Variants in COLEC10 observed in about 807,000 individuals in gnomAD.
COLEC10 encodes collectin-10.
COLEC10 carries 22 observed loss-of-function variants against 28.4 expected under a neutral mutation model. The ratio of observed to expected loss-of-function variants is 0.78; its 90% CI spans 0.55 to 1.11. The LOEUF (loss-of-function observed/expected upper bound fraction) is 1.11, where lower values mean the gene tolerates loss of function less well. COLEC10 is among the 50% of genes least tolerant of loss of function. The pLI is 0.00. For missense variants in COLEC10, 361 were observed against 344.1 expected, an observed-to-expected ratio of 1.05 and a Z score of -0.39; for synonymous variants, 125 against 116.1, an observed-to-expected ratio of 1.08 and a Z score of -0.49.
chr8:119,005,019 T>G (rs773403534), intron 1 of COLEC10, among the ~76,000 whole-genome samples: 1 of 152,126 alleles, frequency 6.6e-6, no homozygotes, highest in African/African-American at 2.4e-5. Flanking sequence ...GTTATTTCCA[T>G]GCTCAAAATC....
the COLEC10 span, among the ~76,000 whole-genome samples, chr8:118,970,736 A>G: frequency 6.6e-6 from 1 of 151,788 alleles, no homozygotes; most frequent in African/African-American, 2.4e-5. Context: ...CCTTTCATAC[A>G]CTTCATACTT....
intron 1 of COLEC10, among the ~76,000 whole-genome samples, chr8:119,069,629 A>AAAAAAATAT (rs1554627284): frequency 2.8e-4 from 12 of 42,876 alleles, no homozygotes; most frequent in Admixed American, 4.9e-4. Flanking sequence ...AAAAAAAAAA[A>AAAAAAATAT]ATATATATAT....
intron 1 of COLEC10, among the ~76,000 whole-genome samples, chr8:119,008,445 A>G (rs1813845425): frequency 6.7e-6 from 1 of 149,954 alleles, no homozygotes; most frequent in Non-Finnish European, 1.5e-5. Flanking sequence ...CTAAGTTGAC[A>G]GAATCATCAT....
At chr8:118,988,462 A>G in the COLEC10 span, among the ~76,000 whole-genome samples, 1 of 152,088 alleles carries the variant, frequency 6.6e-6, no homozygotes, top group African/African-American at 2.4e-5. Flanking sequence ...TGTTTCACCT[A>G]AGAGGGGAAA....
intron 1 of COLEC10, among the ~76,000 whole-genome samples, chr8:118,998,793 G>A (rs911093228): frequency 4.4e-5 from 6 of 135,188 alleles, no homozygotes; most frequent in African/African-American, 1.8e-4. Context: ...GTTGCAGTGA[G>A]CCAAGATCGT....
chr8:119,057,424 A>T (rs1814784192), intron 2 of COLEC10, among the ~76,000 whole-genome samples: 1 of 152,080 alleles, frequency 6.6e-6, no homozygotes, highest in South Asian at 2.1e-4. Flanking sequence ...CTTGCTTAGG[A>T]AACACATCCT....
At chr8:118,982,316 C>G in the COLEC10 span, among the ~76,000 whole-genome samples, 21 of 152,118 alleles carry the variant, frequency 1.4e-4, no homozygotes, top group Non-Finnish European at 2.6e-4. Flanking sequence ...GCCATGAGGA[C>G]AGTGCACAAA....
At chr8:118,958,522 C>T in the COLEC10 span, among the ~76,000 whole-genome samples, 51 of 152,214 alleles carry the variant, frequency 3.4e-4, no homozygotes, top group African/African-American at 1.1e-3. Flanking sequence ...AATGCCTCCT[C>T]GGCAAGAAAA....
intron 2 of COLEC10, among the ~76,000 whole-genome samples, chr8:119,037,153 C>G (rs981135599): frequency 6.6e-6 from 1 of 152,168 alleles, no homozygotes; most frequent in Non-Finnish European, 1.5e-5. Flanking sequence ...CATCCCAAAC[C>G]AGAGAAGGAC....
At chr8:118,962,251 T>C in the COLEC10 span, among the ~76,000 whole-genome samples, 2 of 152,176 alleles carry the variant, frequency 1.3e-5, no homozygotes, top group Non-Finnish European at 2.9e-5. Context: ...ACCTATGCAT[T>C]CTATAGACTA....
chr8:119,107,148 G>T lies in COLEC10; in HGVS notation c.*957G>T, dbSNP rs774169100. ...AAGAAAATTCTGGAAGCTTCAAAGTGCTACCAACATCATCTCCAGGCCCCC... is the reference window on the plus strand; with the variant it reads ...AAGAAAATTCTGGAAGCTTCAAAGTTCTACCAACATCATCTCCAGGCCCCC... On this transcript the variant is annotated 3_prime_UTR_variant, in exon 6 of 6. Transcript: ENST00000332843. Among the ~76,000 whole-genome samples the T allele has an allele frequency of 1.3e-5, 2 of 152,166 alleles. No individual in the cohort carries two copies. Among genetic ancestry groups the T allele is most frequent in the Non-Finnish European group, 2.9e-5 (2 of 68,026 alleles).
chr8:119,055,376 A>T (rs1563729265), intron 2 of COLEC10, among the ~76,000 whole-genome samples: 1 of 152,036 alleles, frequency 6.6e-6, no homozygotes, highest in African/African-American at 2.4e-5. Context: ...TTAGTAACTC[A>T]ATCTTTATTT....
chr8:119,073,633 G>C (rs1322575143), intron 1 of COLEC10, among the ~76,000 whole-genome samples: 1 of 151,670 alleles, frequency 6.6e-6, no homozygotes, highest in African/African-American at 2.4e-5. Flanking sequence ...CCTTTAGGTA[G>C]ATACTAAGAA....
chr8:119,022,478 T>C (rs1814117474), intron 2 of COLEC10, among the ~76,000 whole-genome samples: 1 of 151,930 alleles, frequency 6.6e-6, no homozygotes, highest in Admixed American at 6.6e-5. Flanking sequence ...GTAAGGAAGA[T>C]AAAAAAAGGA....
At chr8:119,062,292 A>T (rs1814869668), upstream of COLEC10, among the ~76,000 whole-genome samples, 1 of 152,150 alleles carries the variant, frequency 6.6e-6, no homozygotes, top group Non-Finnish European at 1.5e-5. Flanking sequence ...CCAGAGTATC[A>T]GTGTGTTACT....
At chr8:119,073,304 A>T (rs1815161264) in intron 1 of COLEC10, among the ~76,000 whole-genome samples, 1 of 152,204 alleles carries the variant, frequency 6.6e-6, no homozygotes, top group Non-Finnish European at 1.5e-5. Context: ...GCATAAAATG[A>T]TTAGTTGGTT....
At chr8:118,980,842 A>G in the COLEC10 span, among the ~76,000 whole-genome samples, 34 of 152,110 alleles carry the variant, frequency 2.2e-4, no homozygotes, top group East Asian at 6.4e-3. Context: ...TGTAAATTGT[A>G]TATTTTCCTA....
At chr8:119,039,750 C>T (rs1814459125) in intron 2 of COLEC10, among the ~76,000 whole-genome samples, 1 of 152,086 alleles carries the variant, frequency 6.6e-6, no homozygotes, top group South Asian at 2.1e-4. Flanking sequence ...CTTGCATGTC[C>T]GTTTCTTCAT....
intron 2 of COLEC10, among the ~76,000 whole-genome samples, chr8:119,046,072 T>C (rs555989752): frequency 1.3e-5 from 2 of 152,342 alleles, no homozygotes; most frequent in African/African-American, 4.8e-5. Flanking sequence ...GGCCTCGCTG[T>C]GGCTTAACAG....
Sources: gnomAD v4.1 joint callset for allele counts (sites outside exome capture counted in the v4.1 genomes callset) on GRCh38, gnomAD v4.1.1 for gene constraint, MANE v1.5 for transcripts, NCBI Gene and HGNC (gene_info 2026-07-23, HGNC 2026-07-21) for gene names.